The following LARP4 variants were observed in gnomAD, a reference collection of about 807,000 sequenced individuals.
The protein encoded by LARP4 is la-related protein 4.
Under a neutral mutation model 92.9 loss-of-function variants are expected in LARP4, and 29 were observed. That is an observed-to-expected ratio of 0.31 (90% CI 0.23 to 0.43). The LOEUF is 0.43. Among genes scored for constraint, LARP4 ranks in the 20% least tolerant of loss-of-function variants. The probability of loss-of-function intolerance (pLI) is 1.00; values close to 1 mark genes in which losing one functional copy is unlikely to be tolerated. For missense variants in LARP4, 732 were observed against 860.0 expected, an observed-to-expected ratio of 0.85 and a Z score of 1.86; for synonymous variants, 279 against 284.1, an observed-to-expected ratio of 0.98 and a Z score of 0.18.
chr12:50,411,643 G>A (rs748541021), intron 1 of LARP4, among the ~76,000 whole-genome samples: 2 of 151,534 alleles, frequency 1.3e-5, no homozygotes, highest in Admixed American at 6.6e-5. Context: ...GACCCTAGTT[G>A]TAATCTGGCG....
intron 10 of LARP4, 87 bp downstream of exon 10, chr12:50,454,504 A>T (rs1443005556): frequency 2.0e-6 from 2 of 977,512 alleles, no homozygotes; most frequent in Non-Finnish European, 3.1e-6. Flanking sequence ...TGTCAGGCTC[A>T]GTAATAAGGT....
chr12:50,426,990 G>T (rs1565988737), intron 1 of LARP4, among the ~76,000 whole-genome samples: 1 of 151,918 alleles, frequency 6.6e-6, no homozygotes, highest in Non-Finnish European at 1.5e-5. Flanking sequence ...CGCCCGCCTT[G>T]GCCTCCCAAA....
rs60797979 is a variant in LARP4 at position 50,433,269 on chromosome 12, ATTT to A, written c.399-2201_399-2199del. On this transcript the variant is annotated intron_variant, in intron 4 of 15. Coordinates refer to ENST00000398473, the MANE Select transcript of LARP4 (RefSeq NM_052879.5). ...GCTTTCCCAGATCTCCAAAAACGTG[ATTT>A]TTTTTTTTTTTTTTTTTGTAGTTTA... Among the ~76,000 whole-genome samples, 741 of 117,250 alleles carry A rather than the reference ATTT, an allele frequency of 6.3e-3. 3 individuals are homozygous for A. The highest frequency in any genetic ancestry group is 8.6e-3 in the Middle Eastern group (2 of 232). 76.9% of individuals were successfully genotyped at this position (117,250 alleles called of 152,430 possible).
chr12:50,466,462 A>T (rs4768879), intron 12 of LARP4, among the ~76,000 whole-genome samples: 107,939 of 151,884 alleles, frequency 0.71, 44,320 homozygotes, highest in Non-Finnish European at 0.93. Context: ...AAAAAACAAA[A>T]AATAAAAATT....
chr12:50,436,252 A>C (rs1401870987), intron 5 of LARP4, among the ~76,000 whole-genome samples: 2 of 151,238 alleles, frequency 1.3e-5, no homozygotes, highest in African/African-American at 4.9e-5. Flanking sequence ...GTATGTATAT[A>C]TATATATATC....
intron 5 of LARP4, among the ~76,000 whole-genome samples, chr12:50,436,772 T>C (rs1950519506): frequency 6.6e-6 from 1 of 152,226 alleles, no homozygotes. Flanking sequence ...GTTGAACATG[T>C]TTAAAAGTTA....
Position 50,473,548 on chromosome 12 carries a change from A to G in LARP4, c.1667+12A>G. The G allele has an allele frequency of 1.2e-6, 2 of 1,607,462 alleles. No individual in the cohort carries two copies. Among genetic ancestry groups the G allele is most frequent in the South Asian group, 1.1e-5 (1 of 90,870 alleles). ...CTTACTGCATTAAGGTACAAGTTAT[A>G]GTATAGAAGATCTTCAACATTAAAT... is the stretch of plus-strand genomic sequence containing the variant. On this transcript the variant is annotated intron_variant, in intron 14 of 15. Transcript: ENST00000398473.
intron 1 of LARP4, among the ~76,000 whole-genome samples, chr12:50,410,932 C>T (rs527470076): frequency 6.6e-6 from 1 of 152,100 alleles, no homozygotes; most frequent in African/African-American, 2.4e-5. Flanking sequence ...TACTAGAGTA[C>T]CAGCAATAAT....
chr12:50,410,987 G>A (rs1945780751), intron 1 of LARP4, among the ~76,000 whole-genome samples: 1 of 152,132 alleles, frequency 6.6e-6, no homozygotes, highest in Non-Finnish European at 1.5e-5. Context: ...TTCTTCCACA[G>A]TAGAGGGCAA....
intron 1 of LARP4, among the ~76,000 whole-genome samples, chr12:50,427,386 A>G (rs960646658): frequency 2.0e-5 from 3 of 152,118 alleles, no homozygotes; most frequent in African/African-American, 4.8e-5. Context: ...TTTCTGAGAC[A>G]GGGTCTCCTC....
At position 50,477,070 on chromosome 12, in the gene LARP4, G is replaced by GTTTATTTA. The variant is rs1957587696; in HGVS notation, c.*1207_*1208insTTATTTAT. ...GAGGGGGGACTTATTTCTGTTTACA[G>GTTTATTTA]TGTATTACCTTCCTTCCCTCCTCTT... is the stretch of plus-strand genomic sequence containing the variant. On this transcript the variant is annotated 3_prime_UTR_variant, in exon 16 of 16. Coordinates refer to ENST00000398473, the MANE Select transcript of LARP4 (RefSeq NM_052879.5). 1.3e-5 allele frequency: 2 copies of GTTTATTTA among 152,456 alleles called. No individual in the cohort carries two copies. Among genetic ancestry groups the GTTTATTTA allele is most frequent in the African/African-American group, 2.4e-5 (1 of 41,404 alleles). 9.4% of individuals were successfully genotyped at this position (152,456 alleles called of 1,614,324 possible). A position where few individuals can be genotyped will look rare whatever the true frequency, so the allele number is the denominator to read the frequency against.
chr12:50,453,163 C>G (rs544420221), intron 8 of LARP4, among the ~76,000 whole-genome samples: 390 of 151,780 alleles, frequency 2.6e-3, no homozygotes, highest in Middle Eastern at 0.024. Context: ...GATCCTACCC[C>G]CTTGACCTCT....
At chr12:50,413,936 A>G (rs943256825) in intron 1 of LARP4, among the ~76,000 whole-genome samples, 2 of 152,146 alleles carry the variant, frequency 1.3e-5, no homozygotes, top group Non-Finnish European at 2.9e-5. Context: ...CTATGGTAGG[A>G]TGTTTATAAA....
chr12:50,462,688 T>C, intron 12 of LARP4, 58 bp downstream of exon 12: 1 of 1,146,610 alleles, frequency 8.7e-7, no homozygotes, highest in Non-Finnish European at 1.3e-6. Flanking sequence ...TACTATGGCA[T>C]TGACTTTCGG....
chr12:50,437,338 A>G (rs1191626988), intron 5 of LARP4, among the ~76,000 whole-genome samples: 1 of 152,124 alleles, frequency 6.6e-6, no homozygotes, highest in East Asian at 1.9e-4. Flanking sequence ...ATCAGATTTC[A>G]TTATACTCCT....
At chr12:50,437,662 A>C (rs1238967827) in intron 5 of LARP4, 73 bp from the exon 6 acceptor site, 2 of 817,068 alleles carry the variant, frequency 2.4e-6, no homozygotes, top group African/African-American at 3.5e-5. Context: ...ATTAAAATGA[A>C]TAGTTTCTTT....
intron 6 of LARP4, among the ~76,000 whole-genome samples, chr12:50,438,856 ATGATAAGG>A (rs1020128016): frequency 9.9e-5 from 15 of 152,190 alleles, no homozygotes; most frequent in African/African-American, 3.6e-4. Context: ...TTAAGTTGCC[ATGATAAGG>A]TGATATACAT....
At chr12:50,467,951 A>C (rs769581208) in intron 13 of LARP4, among the ~76,000 whole-genome samples, 5 of 151,502 alleles carry the variant, frequency 3.3e-5, no homozygotes, top group Non-Finnish European at 7.4e-5. Flanking sequence ...TTTTTCTCCC[A>C]ACTTTTATTC....
At chr12:50,474,532 A>G (rs1452892932) in intron 15 of LARP4, among the ~76,000 whole-genome samples, 1 of 152,132 alleles carries the variant, frequency 6.6e-6, no homozygotes, top group Non-Finnish European at 1.5e-5. Flanking sequence ...TATTTTTAGT[A>G]GAGACGGGGT....
Sources: allele counts gnomAD v4.1 joint callset (sites outside exome capture counted in the v4.1 genomes callset), GRCh38; gene constraint gnomAD v4.1.1; transcripts MANE v1.5; gene names NCBI Gene and HGNC (gene_info 2026-07-23, HGNC 2026-07-21).